Variants in DNAH14 observed in about 807,000 individuals in gnomAD.
DNAH14 encodes the protein axonemal beta dynein heavy chain 14.
Under a neutral mutation model 520.9 loss-of-function variants are expected in DNAH14, and 478 were observed. The ratio of observed to expected loss-of-function variants is 0.92; its 90% confidence interval spans 0.85 to 0.99. The LOEUF (loss-of-function observed/expected upper bound fraction) is 0.99, where lower values mean the gene tolerates loss of function less well. Ranked by LOEUF, DNAH14 falls within the 50% of genes least tolerant of loss-of-function variation. DNAH14 has a pLI of 0.00. For synonymous variants in DNAH14, 1,581 were observed against 1,757.2 expected (o/e 0.90, Z 2.51); for missense variants, 4,831 against 5,234.5 (o/e 0.92, Z 2.38).
chr1:225,222,342 G>T (rs553819419), intron 41 of DNAH14, among the ~76,000 whole-genome samples: 1 of 152,312 alleles, frequency 6.6e-6, no homozygotes, highest in South Asian at 2.1e-4. Context: ...TGTGTCTGGA[G>T]TTGGTTTCTT....
chr1:225,266,493 A>T (rs1220346095), intron 48 of DNAH14, 148 bp from the exon 49 acceptor site: 5 of 489,596 alleles, frequency 1.0e-5, no homozygotes, highest in African/African-American at 2.0e-5. Flanking sequence ...TTAAATAGGA[A>T]ATCAGACATG....
intron 11 of DNAH14, among the ~76,000 whole-genome samples, chr1:225,034,986 A>G (rs774977739): frequency 1.7e-4 from 26 of 152,090 alleles, no homozygotes; most frequent in Admixed American, 5.2e-4. Context: ...TAGTGTAGCT[A>G]GTAGCCTCTC....
chr1:225,029,719 G>A (rs985832428), intron 11 of DNAH14, among the ~76,000 whole-genome samples: 1 of 151,922 alleles, frequency 6.6e-6, no homozygotes, highest in African/African-American at 2.4e-5. Context: ...CAAGAAGAAA[G>A]GGTGGTCAAG....
chr1:225,296,945 A>G lies in DNAH14; in HGVS notation c.8470-3924A>G, dbSNP rs12043787. Among the ~76,000 whole-genome samples the G allele has an allele frequency of 9.2e-5, 14 of 152,292 alleles. No homozygotes were observed. In the East Asian group the frequency reaches 2.5e-3, roughly 27 times the overall value. On this transcript the variant is annotated intron_variant, in intron 55 of 85. Transcript: ENST00000682510. ...CTTTGAATTTTGACAGTTTGACTGT[A>G]ATGTTCCTCAGATAGGCTTTTTTGG...
intron 55 of DNAH14, among the ~76,000 whole-genome samples, chr1:225,294,406 A>G (rs1410553885): frequency 6.6e-6 from 1 of 152,074 alleles, no homozygotes; most frequent in Admixed American, 6.6e-5. Context: ...TTCCTTTTTC[A>G]TCACATCCTT....
chr1:224,991,426 G>T (rs1330121880), intron 8 of DNAH14, among the ~76,000 whole-genome samples: 2 of 151,750 alleles, frequency 1.3e-5, no homozygotes, highest in Non-Finnish European at 2.9e-5. Flanking sequence ...GGCCATTTGT[G>T]TGTCTTCTTT....
chr1:225,389,049 C>T (rs1363785476), intron 82 of DNAH14, among the ~76,000 whole-genome samples: 2 of 152,302 alleles, frequency 1.3e-5, no homozygotes, highest in African/African-American at 2.4e-5. Flanking sequence ...TGAGCCACCG[C>T]GCCCAGCCAC....
chr1:225,396,616 G>A (rs2096014692), intron 84 of DNAH14: 1 of 152,078 alleles, frequency 6.6e-6, no homozygotes, highest in Admixed American at 6.6e-5. Context: ...ACAGGGGTAT[G>A]GACTGCCCGC....
At chr1:224,972,573 C>A (rs2061563644) in intron 7 of DNAH14, among the ~76,000 whole-genome samples, 1 of 151,966 alleles carries the variant, frequency 6.6e-6, no homozygotes, top group African/African-American at 2.4e-5. Flanking sequence ...TCACACGATT[C>A]TCCTGCCTCA....
intron 7 of DNAH14, among the ~76,000 whole-genome samples, chr1:224,971,693 G>A (rs950384537): frequency 1.3e-5 from 2 of 152,168 alleles, no homozygotes; most frequent in African/African-American, 4.8e-5. Context: ...GCCATGTGGG[G>A]CTTCCAGAAG....
intron 61 of DNAH14, among the ~76,000 whole-genome samples, chr1:225,320,016 G>A (rs923481105): frequency 2.0e-5 from 3 of 152,136 alleles, no homozygotes; most frequent in African/African-American, 7.2e-5. Context: ...AGCCCCTCAT[G>A]TACCTCATGA....
chr1:225,124,503 C>T (rs1360409763), intron 27 of DNAH14, among the ~76,000 whole-genome samples: 1 of 152,346 alleles, frequency 6.6e-6, no homozygotes, highest in East Asian at 1.9e-4. Flanking sequence ...TAGATTCCAT[C>T]TCAAGAAACA....
intron 55 of DNAH14, among the ~76,000 whole-genome samples, chr1:225,290,568 A>C (rs952891356): frequency 3.6e-4 from 53 of 148,260 alleles, no homozygotes; most frequent in East Asian, 6.0e-4. Context: ...CTTTCCTTAC[A>C]GAATATGTTA....
chr1:225,125,727 A>G (rs1194028149), intron 27 of DNAH14, among the ~76,000 whole-genome samples: 1 of 152,202 alleles, frequency 6.6e-6, no homozygotes, highest in Admixed American at 6.6e-5. Flanking sequence ...TCACAGGAGT[A>G]GCACTTTTAA....
At chr1:225,086,010 A>G (rs1314316420) in intron 21 of DNAH14, among the ~76,000 whole-genome samples, 1 of 152,044 alleles carries the variant, frequency 6.6e-6, no homozygotes, top group Non-Finnish European at 1.5e-5. Context: ...GGCAGAAAAG[A>G]TAAATTTAGA....
intron 49 of DNAH14, among the ~76,000 whole-genome samples, chr1:225,268,680 A>G (rs868364558): frequency 6.6e-5 from 10 of 152,306 alleles, no homozygotes; most frequent in African/African-American, 2.2e-4. Context: ...CCTATACACC[A>G]ATAACAGACA....
At chr1:224,963,821 G>T (rs1198159808) in intron 4 of DNAH14, among the ~76,000 whole-genome samples, 1 of 152,090 alleles carries the variant, frequency 6.6e-6, no homozygotes, top group Non-Finnish European at 1.5e-5. Context: ...TTATACAAGA[G>T]CTCAAGTCTC....
intron 7 of DNAH14, among the ~76,000 whole-genome samples, chr1:224,973,373 T>C (rs192580607): frequency 2.0e-5 from 3 of 152,328 alleles, no homozygotes; most frequent in Admixed American, 2.0e-4. Flanking sequence ...AAGTATCACA[T>C]CTCAGTGTTT....
chr1:225,171,754 T>C (rs1341130233), intron 36 of DNAH14, among the ~76,000 whole-genome samples: 3 of 152,174 alleles, frequency 2.0e-5, no homozygotes, highest in Admixed American at 2.0e-4. Flanking sequence ...GAGGGAATCC[T>C]CCCTAACTCA....
Sources: gnomAD v4.1 joint callset for allele counts (sites outside exome capture counted in the v4.1 genomes callset) on GRCh38, gnomAD v4.1.1 for gene constraint, MANE v1.5 for transcripts, NCBI Gene and HGNC (gene_info 2026-07-23, HGNC 2026-07-21) for gene names.